Variants in BEST3 observed in about 807,000 individuals in gnomAD.
BEST3 encodes bestrophin-3.
BEST3 carries 50 observed loss-of-function variants against 47.1 expected under a neutral mutation model. The observed-to-expected ratio is 1.06, with a 90% CI of 0.85 to 1.34. BEST3 has a LOEUF of 1.34. BEST3 is among the 40% of genes most tolerant of loss of function. BEST3 has a pLI of 0.00. For missense variants in BEST3, 765 were observed against 817.0 expected, an observed-to-expected ratio of 0.94 and a Z score of 0.78; for synonymous variants, 282 against 298.8, an observed-to-expected ratio of 0.94 and a Z score of 0.58.
At chr12:69,648,743 A>T (rs899201592), downstream of BEST3, among the ~76,000 whole-genome samples, 15 of 152,164 alleles carry the variant, frequency 9.9e-5, no homozygotes. Flanking sequence ...CAATTCCTTG[A>T]TGTTATTCTC....
rs372259045 is a variant in BEST3 at position 69,693,901 on chromosome 12, T to C, written c.254A>G (p.Tyr85Cys). The change falls in exon 4 of 10, where the codon TAT becomes TGT. Residue 85 changes from tyrosine (Y) to cysteine (C), a missense_variant. Transcript: ENST00000330891. ...QIPVTFVLGF[Y>C]VTLVVNRWWN... ...CCATCGGTTCACTACCAGAGTAACA[T>C]AAAACCCTGTAGAATAACAGGAAAT... The C allele has an allele frequency of 1.9e-6, 3 of 1,602,250 alleles. No individual in the cohort carries two copies. The Admixed American group carries it at 5.1e-5, about 27-fold the overall frequency.
chr12:69,677,179 C>T lies in BEST3; in HGVS notation c.714+1G>A. The T allele has an allele frequency of 6.2e-7, 1 of 1,613,696 alleles. No homozygotes were observed. The highest frequency in any genetic ancestry group is 8.5e-7 in the Non-Finnish European group (1 of 1,179,746). On this transcript the variant is annotated splice_donor_variant, in intron 6 of 9. Coordinates refer to ENST00000330891, the MANE Select transcript of BEST3 (RefSeq NM_032735.3). LOFTEE classifies it high-confidence loss of function. ...AGAATTCCATGAAAAGTATTTCTTA[C>T]CTGGGTGTAAACCAGCGGAATCCCA...
intron 8 of BEST3, 32 bp downstream of exon 8, chr12:69,672,853 A>G (rs370261217): frequency 2.7e-6 from 4 of 1,479,946 alleles, no homozygotes; most frequent in Non-Finnish European, 3.8e-6. Flanking sequence ...TTTATTATTA[A>G]CATTTGAAAA....
In BEST3 at chr12:69,645,513, T is replaced by C. The variant is rs116491574; in HGVS notation, c.1101-1726A>G. ...AGAGGTGGTTGAGTGGTTACGGTGA[T>C]TGCTGATTGACTGTTCATCAGTTGT... is the stretch of plus-strand genomic sequence containing the variant. On this transcript the variant is annotated intron_variant, in intron 9 of 9. Coordinates refer to the BEST3 transcript ENST00000331471. 7.6e-3 allele frequency among the ~76,000 whole-genome samples: 1,159 copies of C among 152,286 alleles called. 19 individuals are homozygous for C. Among genetic ancestry groups the C allele is most frequent in the African/African-American group, 0.026 (1,079 of 41,546 alleles).
chr12:69,686,834 G>A (rs970450373), intron 4 of BEST3, among the ~76,000 whole-genome samples: 1 of 148,088 alleles, frequency 6.8e-6, no homozygotes, highest in Non-Finnish European at 1.5e-5. Context: ...CTGACCAACA[G>A]CTCTGGGAAT....
chr12:69,693,712 T>A lies in BEST3; in HGVS notation c.443A>T (p.Tyr148Phe). 6.2e-7 allele frequency: 1 copy of A among 1,614,014 alleles called. No individual in the cohort carries two copies. Among genetic ancestry groups the A allele is most frequent in the Non-Finnish European group, 8.5e-7 (1 of 1,179,890 alleles). Residue 148 changes from tyrosine to phenylalanine, a missense_variant, in exon 4 of 10, where the codon TAC becomes TTC. By Grantham distance (22) the Tyr-to-Phe change is conservative. Transcript: ENST00000330891. ...GTGGTCCATTGTGGGAAATCTTTTG[T>A]ACACAGCAGTGCTCACCGAGCGAAA... ...LIFRSVSTAVYKRFPTMDHVV... is the reference protein window; with the variant it reads ...LIFRSVSTAVFKRFPTMDHVV...
chr12:69,652,330 A>G (rs1593127530), downstream of BEST3, among the ~76,000 whole-genome samples: 1 of 152,196 alleles, frequency 6.6e-6, no homozygotes, highest in Admixed American at 6.5e-5. Flanking sequence ...AGGTTCCAGG[A>G]CTCAGGGAAA....
At chr12:69,646,869 G>A (rs1883053532) in intron 9 of BEST3, among the ~76,000 whole-genome samples, 1 of 152,090 alleles carries the variant, frequency 6.6e-6, no homozygotes, top group African/African-American at 2.4e-5. Flanking sequence ...GTAAACATGT[G>A]GATTAATACC....
At chr12:69,652,453 C>T (rs1228088041), downstream of BEST3, among the ~76,000 whole-genome samples, 1 of 152,184 alleles carries the variant, frequency 6.6e-6, no homozygotes, top group Non-Finnish European at 1.5e-5. Flanking sequence ...AGAATTTCTT[C>T]ATCTGCTCTG....
intron 9 of BEST3, chr12:69,670,526 T>C (rs755644667): frequency 5.7e-6 from 4 of 702,684 alleles, no homozygotes; most frequent in African/African-American, 1.7e-5. Context: ...AAACCATCAC[T>C]GATGGGGATT....
chr12:69,662,522 C>T (rs1291467473), intron 9 of BEST3, among the ~76,000 whole-genome samples: 7 of 152,196 alleles, frequency 4.6e-5, no homozygotes, highest in African/African-American at 1.7e-4. Context: ...ATTTTGTGCA[C>T]ATTAAGTACA....
chr12:69,664,208 G>A (rs1056873207), intron 9 of BEST3, among the ~76,000 whole-genome samples: 6 of 152,204 alleles, frequency 3.9e-5, no homozygotes, highest in African/African-American at 1.4e-4. Flanking sequence ...CTGGTTTGGT[G>A]TTAAAGCTTA....
chr12:69,653,724 A>C lies in BEST3; in HGVS notation c.*1183T>G. 3.0e-6 allele frequency: 3 copies of C among 985,384 alleles called. No individual in the cohort carries two copies. Among genetic ancestry groups the C allele is most frequent in the Non-Finnish European group, 3.6e-6 (3 of 829,914 alleles). The allele number at this position is 985,384 out of a possible 1,614,324, so 61.0% of individuals were successfully genotyped here. On this transcript the variant is annotated 3_prime_UTR_variant, in exon 10 of 10. Transcript: ENST00000330891. ...CTAGGCACTTGGGAGCCCACGACAAACAGCTGTCCTGAGAGCTCCCTGGGA... is the reference window on the plus strand; with the variant it reads ...CTAGGCACTTGGGAGCCCACGACAACCAGCTGTCCTGAGAGCTCCCTGGGA...
intron 3 of BEST3, 22 bp downstream of exon 3, chr12:69,694,348 T>A (rs764189745): frequency 6.8e-7 from 1 of 1,477,862 alleles, no homozygotes. Flanking sequence ...GTGGCTGCAA[T>A]CTGCGTGTGA....
At chr12:69,668,554 G>A (rs1362080868) in intron 9 of BEST3, among the ~76,000 whole-genome samples, 1 of 152,132 alleles carries the variant, frequency 6.6e-6, no homozygotes, top group African/African-American at 2.4e-5. Flanking sequence ...ATTTGGTGAG[G>A]GAACCATTCA....
chr12:69,665,638 T>A (rs1734566926), intron 9 of BEST3, among the ~76,000 whole-genome samples: 2 of 150,620 alleles, frequency 1.3e-5, no homozygotes, highest in African/African-American at 4.9e-5. Flanking sequence ...AAAAGGCAAG[T>A]AAAAAATATG....
At chr12:69,690,132 TTAAA>T (rs1885858037) in intron 4 of BEST3, among the ~76,000 whole-genome samples, 1 of 152,156 alleles carries the variant, frequency 6.6e-6, no homozygotes, top group African/African-American at 2.4e-5. Flanking sequence ...AATATGCATT[TTAAA>T]TAAATAAACT....
intron 9 of BEST3, chr12:69,669,712 T>C (rs1272314297): frequency 6.6e-6 from 1 of 152,220 alleles, no homozygotes; most frequent in Non-Finnish European, 1.5e-5. Context: ...CAATGATCTT[T>C]TGGGGAAGGA....
intron 4 of BEST3, among the ~76,000 whole-genome samples, chr12:69,681,819 G>T (rs901618014): frequency 6.6e-6 from 1 of 152,072 alleles, no homozygotes; most frequent in African/African-American, 2.4e-5. Context: ...GGTGGCTCAC[G>T]CCTGTAATCC....
Sources: gnomAD v4.1 joint callset for allele counts (sites outside exome capture counted in the v4.1 genomes callset) on GRCh38, gnomAD v4.1.1 for gene constraint, MANE v1.5 for transcripts, NCBI Gene and HGNC (gene_info 2026-07-23, HGNC 2026-07-21) for gene names.